The following MBD2 variants were observed in gnomAD, a reference collection of about 807,000 sequenced individuals.
The protein encoded by MBD2 is methyl-CpG binding domain protein 2, also known as methyl-CpG-binding domain protein 2.
MBD2 carries 9 observed loss-of-function variants against 39.3 expected under a neutral mutation model. That is an observed-to-expected ratio of 0.23 (90% CI 0.14 to 0.40). The LOEUF is 0.40. MBD2 is among the 10% of genes least tolerant of loss of function. The pLI is 1.00. For synonymous variants in MBD2, 233 were observed against 211.1 expected, an observed-to-expected ratio of 1.10 and a Z score of -0.90; for missense variants, 458 against 532.6, an observed-to-expected ratio of 0.86 and a Z score of 1.38.
chr18:54,213,852 ATG>A lies in MBD2; in HGVS notation c.543-8697_543-8696del, dbSNP rs946744123. ...ATTACAAGTGTGTGTATGTAGGTAT[ATG>A]TGTGTGTGTATACACATATATATCC... On this transcript the variant is annotated intron_variant, in intron 1 of 6. Transcript: ENST00000256429. 2.6e-5 allele frequency among the ~76,000 whole-genome samples: 4 copies of A among 152,284 alleles called. No individual in the cohort carries two copies. In the South Asian group the frequency reaches 6.2e-4, roughly 24 times the overall value.
At chr18:54,170,660 C>T (rs918158169) in intron 3 of MBD2, among the ~76,000 whole-genome samples, 4 of 152,150 alleles carry the variant, frequency 2.6e-5, no homozygotes, top group Admixed American at 2.0e-4. Flanking sequence ...TTTTCTTGCA[C>T]TGGGGATGCT....
At chr18:54,159,099 G>A (rs1379829119) in intron 6 of MBD2, among the ~76,000 whole-genome samples, 1 of 152,146 alleles carries the variant, frequency 6.6e-6, no homozygotes, top group Non-Finnish European at 1.5e-5. Flanking sequence ...CTACTGTGAT[G>A]GAGATGACAG....
At chr18:54,207,129 C>T (rs141473887) in intron 1 of MBD2, among the ~76,000 whole-genome samples, 4 of 152,304 alleles carry the variant, frequency 2.6e-5, no homozygotes, top group Admixed American at 6.5e-5. Flanking sequence ...AATAAGTCAT[C>T]GAAAGCTTTA....
At chr18:54,183,938 A>G (rs2086266919) in intron 3 of MBD2, among the ~76,000 whole-genome samples, 1 of 152,138 alleles carries the variant, frequency 6.6e-6, no homozygotes. Flanking sequence ...AATTAGCTTT[A>G]GGCCACCAGG....
chr18:54,218,109 C>A (rs1568095675), intron 1 of MBD2, among the ~76,000 whole-genome samples: 1 of 152,206 alleles, frequency 6.6e-6, no homozygotes, highest in Non-Finnish European at 1.5e-5. Context: ...CTTTCTCTAA[C>A]TAGAGATTTT....
intron 3 of MBD2, among the ~76,000 whole-genome samples, chr18:54,168,228 AT>A (rs2086150361): frequency 6.6e-6 from 1 of 151,870 alleles, no homozygotes; most frequent in African/African-American, 2.4e-5. Context: ...ATATTAAAAA[AT>A]AATTTGTTTT....
In MBD2 at chr18:54,166,136, T is replaced by C. The variant is rs1348033525; in HGVS notation, c.871A>G (p.Ser291Gly). The change falls in exon 4 of 7, where the codon AGT becomes GGT. Residue 291 changes from serine to glycine, a missense_variant. Transcript: ENST00000256429. ...ATTTGTTCTGTTACATCTGATGCAC[T>C]AAGTCCTTGTAGCCTCTTCTCCCAG... ...LFWEKRLQGL[S>G]ASDVTEQIIK... The C allele has an allele frequency of 6.2e-7, 1 of 1,613,764 alleles. No homozygotes were observed. The highest frequency in any genetic ancestry group is 8.5e-7 in the Non-Finnish European group (1 of 1,179,636).
chr18:54,210,991 C>G (rs868297380), intron 1 of MBD2, among the ~76,000 whole-genome samples: 58 of 149,390 alleles, frequency 3.9e-4, no homozygotes, highest in Non-Finnish European at 2.2e-4. Context: ...CCTGCCTCAG[C>G]CTCCCAAGTA....
At chr18:54,191,065 G>T (rs2086317075) in intron 2 of MBD2, among the ~76,000 whole-genome samples, 1 of 152,138 alleles carries the variant, frequency 6.6e-6, no homozygotes, top group African/African-American at 2.4e-5. Context: ...GATATTTACA[G>T]GATATTTGAT....
At chr18:54,222,619 T>C (rs948030665) in intron 1 of MBD2, among the ~76,000 whole-genome samples, 1 of 152,246 alleles carries the variant, frequency 6.6e-6, no homozygotes, top group African/African-American at 2.4e-5. Context: ...GATTACTACC[T>C]TCTTATGTTT....
Position 54,179,786 on chromosome 18 carries a change from G to A in MBD2, c.840+9088C>T, listed in dbSNP as rs2086236878. ...CCTAGAGCAAGTATCACATTTAATG[G>A]AGAAACATTAAAAATGTTCCCTGAC... is the stretch of plus-strand genomic sequence containing the variant. On this transcript the variant is annotated intron_variant, in intron 3 of 6. Coordinates refer to ENST00000256429, the MANE Select transcript of MBD2 (RefSeq NM_003927.5). Among the ~76,000 whole-genome samples the A allele has an allele frequency of 2.0e-5, 3 of 152,040 alleles. No homozygotes were observed. In the South Asian group the frequency reaches 6.2e-4, roughly 32 times the overall value.
At chr18:54,203,135 A>G in intron 2 of MBD2, 1 of 1,609,104 alleles carries the variant, frequency 6.2e-7, no homozygotes, top group Non-Finnish European at 8.5e-7. Context: ...AACTGAAGAG[A>G]TGAATTAGTG....
chr18:54,194,010 T>C (rs909158770), intron 2 of MBD2, among the ~76,000 whole-genome samples: 2 of 152,078 alleles, frequency 1.3e-5, no homozygotes, highest in African/African-American at 4.8e-5. Context: ...AACCTTCCAA[T>C]GATCTCACAT....
chr18:54,185,252 T>C (rs961959665), intron 3 of MBD2, among the ~76,000 whole-genome samples: 1 of 152,086 alleles, frequency 6.6e-6, no homozygotes, highest in Non-Finnish European at 1.5e-5. Flanking sequence ...GAAAGGGGAA[T>C]TGGCAAAATG....
In MBD2 at chr18:54,156,540, G is replaced by A. The variant is rs541214311; in HGVS notation, c.*13-1229C>T. On this transcript the variant is annotated intron_variant, in intron 6 of 6. Coordinates refer to ENST00000256429, the MANE Select transcript of MBD2 (RefSeq NM_003927.5). ...AAGGGTATAGCCTGGATGTCAATCTGCAAAGTAATCTGTAAAGGAAGCAAA... is the reference window on the plus strand; with the variant it reads ...AAGGGTATAGCCTGGATGTCAATCTACAAAGTAATCTGTAAAGGAAGCAAA... 6.6e-5 allele frequency among the ~76,000 whole-genome samples: 10 copies of A among 152,268 alleles called. No individual in the cohort carries two copies. In the South Asian group the frequency reaches 1.9e-3, roughly 28 times the overall value.
Position 54,224,539 on chromosome 18 carries a change from T to TC in MBD2, c.20dup (p.Gly8ArgfsTer178). The TC allele has an allele frequency of 1.6e-6, 2 of 1,219,476 alleles. No individual in the cohort carries two copies. The highest frequency in any genetic ancestry group is 4.0e-5 in the South Asian group (1 of 24,780). 75.5% of individuals were successfully genotyped at this position (1,219,476 alleles called of 1,614,324 possible). A position where few individuals can be genotyped will look rare whatever the true frequency, so the allele number is the denominator to read the frequency against. On this transcript the variant is annotated frameshift_variant, in exon 1 of 7. Transcript: ENST00000256429. LOFTEE classifies it high-confidence loss of function. ...CCTCCTGCTCCGGGCAGCAGCGGCC[T>TC]CCCCCCGGGTGCGCGCGCATCCAGC...
At chr18:54,219,709 G>A (rs2086594244) in intron 1 of MBD2, among the ~76,000 whole-genome samples, 1 of 152,176 alleles carries the variant, frequency 6.6e-6, no homozygotes. Flanking sequence ...GGCAAACCAA[G>A]GTGAGGGGAG....
rs879695661 is a variant in MBD2 at position 54,202,801 on chromosome 18, C to A, written c.702+2197G>T. 5.2e-6 allele frequency: 8 copies of A among 1,545,186 alleles called. No individual in the cohort carries two copies. In the African/African-American group the frequency reaches 5.5e-5, roughly 11 times the overall value. ...ATTAAGTACCTACCGTGTGCAAAAG[C>A]AAAAAAAGACATGGTCCCTGCCCTC... On this transcript the variant is annotated intron_variant, in intron 2 of 6. Coordinates refer to ENST00000256429, the MANE Select transcript of MBD2 (RefSeq NM_003927.5).
At chr18:54,221,334 T>A (rs2086610045) in intron 1 of MBD2, among the ~76,000 whole-genome samples, 2 of 151,856 alleles carry the variant, frequency 1.3e-5, no homozygotes, top group African/African-American at 4.8e-5. Context: ...GGTGGGCACC[T>A]GTAGTCCCAG....
Sources: allele counts gnomAD v4.1 joint callset (sites outside exome capture counted in the v4.1 genomes callset), GRCh38; gene constraint gnomAD v4.1.1; transcripts MANE v1.5; gene names NCBI Gene and HGNC (gene_info 2026-07-23, HGNC 2026-07-21).